The following INTS4 variants were observed in gnomAD, a reference collection of about 807,000 sequenced individuals.
INTS4 encodes integrator complex subunit 4.
A neutral mutation model predicts 119.5 loss-of-function variants in INTS4; 70 were observed. The observed-to-expected ratio is 0.59, with a 90% CI of 0.48 to 0.71. The LOEUF is 0.71. INTS4 is among the 30% of genes least tolerant of loss of function. The pLI, the probability that INTS4 is intolerant of heterozygous loss-of-function variation, is 0.00. For synonymous variants in INTS4, 316 were observed against 419.6 expected (o/e 0.75, Z 3.02); for missense variants, 867 against 1,173.2 (o/e 0.74, Z 3.81).
At chr11:77,936,064 T>C (rs1591077771) in intron 10 of INTS4, among the ~76,000 whole-genome samples, 1 of 151,738 alleles carries the variant, frequency 6.6e-6, no homozygotes, top group Non-Finnish European at 1.5e-5. Flanking sequence ...CTCAAAAATA[T>C]TTAAAGGAAT....
intron 12 of INTS4, chr11:77,922,898 C>A: frequency 8.7e-6 from 2 of 229,112 alleles, no homozygotes; most frequent in South Asian, 5.6e-5. Context: ...CAATGGAGCA[C>A]GAGAGTATGC....
chr11:77,900,384 C>T (rs1952737200), intron 18 of INTS4, among the ~76,000 whole-genome samples: 1 of 152,148 alleles, frequency 6.6e-6, no homozygotes, highest in African/African-American at 2.4e-5. Flanking sequence ...CAGGTGTGAG[C>T]CACCACACCC....
chr11:77,938,804 G>A lies in INTS4; in HGVS notation c.1012C>T (p.Arg338Cys), dbSNP rs747682741. ...DLRRKRTAHE[R>C]AKELYSSGEF... ...CCCGAACTGTAAAGTTCCTTGGCAC[G>A]CTCATGTGCAGTACGTTTCCTCTGC... The change falls in exon 10 of 23, where the codon CGT becomes TGT. Residue 338 changes from arginine (R) to cysteine (C), a missense_variant. Coordinates refer to ENST00000534064, the MANE Select transcript of INTS4 (RefSeq NM_033547.4). 8.1e-6 allele frequency: 13 copies of A among 1,611,714 alleles called. No individual in the cohort carries two copies. The highest frequency in any genetic ancestry group is 1.3e-5 in the African/African-American group (1 of 74,802).
chr11:77,924,500 T>G (rs1390252809), intron 12 of INTS4: 1 of 412,748 alleles, frequency 2.4e-6, no homozygotes, highest in Non-Finnish European at 4.5e-6. Flanking sequence ...GGTTGGTGCA[T>G]AGTCAGCACA....
intron 15 of INTS4, among the ~76,000 whole-genome samples, chr11:77,909,241 A>G (rs552775431): frequency 2.6e-5 from 4 of 152,382 alleles, no homozygotes; most frequent in Admixed American, 2.6e-4. Context: ...CAATGATATA[A>G]ATAAGCCACT....
At chr11:77,905,352 G>A (rs1401694512) in intron 16 of INTS4, among the ~76,000 whole-genome samples, 3 of 151,934 alleles carry the variant, frequency 2.0e-5, no homozygotes, top group Non-Finnish European at 4.4e-5. Flanking sequence ...AGCTACTTGG[G>A]AGACTGAGAC....
intron 8 of INTS4, among the ~76,000 whole-genome samples, chr11:77,943,513 G>A (rs1378998504): frequency 6.6e-6 from 1 of 152,156 alleles, no homozygotes; most frequent in Non-Finnish European, 1.5e-5. Flanking sequence ...GCAGATGATA[G>A]CATCATTTAC....
At chr11:77,973,252 T>A (rs779764651) in intron 4 of INTS4, among the ~76,000 whole-genome samples, 2 of 152,242 alleles carry the variant, frequency 1.3e-5, no homozygotes, top group Non-Finnish European at 2.9e-5. Context: ...GTATGCTGAT[T>A]TTGTATCCTG....
chr11:77,970,275 T>C (rs891553346), intron 4 of INTS4, among the ~76,000 whole-genome samples: 1 of 152,132 alleles, frequency 6.6e-6, no homozygotes, highest in Non-Finnish European at 1.5e-5. Flanking sequence ...GATGGGCACC[T>C]GCAGTCCCAG....
chr11:77,932,110 G>C (rs1052241803), intron 10 of INTS4, among the ~76,000 whole-genome samples: 3 of 152,152 alleles, frequency 2.0e-5, no homozygotes, highest in African/African-American at 7.2e-5. Flanking sequence ...AAACTAAAGA[G>C]CTTCTGCACA....
chr11:77,907,131 T>C (rs1952975066), intron 16 of INTS4, among the ~76,000 whole-genome samples: 1 of 152,178 alleles, frequency 6.6e-6, no homozygotes, highest in South Asian at 2.1e-4. Context: ...TGGTCTGTCA[T>C]CCAGGCTGGA....
intron 2 of INTS4, among the ~76,000 whole-genome samples, chr11:77,990,271 G>A (rs1028071241): frequency 6.6e-6 from 1 of 151,028 alleles, no homozygotes; most frequent in African/African-American, 2.4e-5. Flanking sequence ...CACGTCTGCA[G>A]TCCCACCTAC....
At chr11:77,967,403 C>G (rs1042088046) in intron 4 of INTS4, among the ~76,000 whole-genome samples, 2 of 152,182 alleles carry the variant, frequency 1.3e-5, no homozygotes, top group Non-Finnish European at 2.9e-5. Flanking sequence ...AATTTGCCAG[C>G]ACCTTAATCT....
chr11:77,944,837 C>G (rs1954009215), intron 8 of INTS4, among the ~76,000 whole-genome samples: 1 of 152,046 alleles, frequency 6.6e-6, no homozygotes, highest in Admixed American at 6.6e-5. Context: ...ATAAACTATT[C>G]CAAAATCCAA....
chr11:77,949,243 T>A (rs769201746), intron 8 of INTS4, among the ~76,000 whole-genome samples: 25 of 152,060 alleles, frequency 1.6e-4, no homozygotes, highest in Non-Finnish European at 2.8e-4. Context: ...GACTTAAACA[T>A]AAGACCTAAA....
intron 3 of INTS4, 52 bp from the exon 4 acceptor site, chr11:77,979,154 T>C: frequency 1.0e-6 from 1 of 986,924 alleles, no homozygotes; most frequent in Non-Finnish European, 1.6e-6. Context: ...GGGGTAACTA[T>C]ATAAACTAAT....
At chr11:77,904,805 C>T (rs1046381524) in intron 16 of INTS4, among the ~76,000 whole-genome samples, 1 of 152,066 alleles carries the variant, frequency 6.6e-6, no homozygotes, top group African/African-American at 2.4e-5. Context: ...AAGTGATTAG[C>T]GTGTTTTGGG....
chr11:77,931,853 T>G (rs1018058014), intron 10 of INTS4, among the ~76,000 whole-genome samples: 8 of 152,244 alleles, frequency 5.3e-5, no homozygotes, highest in African/African-American at 1.9e-4. Flanking sequence ...GATTCCCTAT[T>G]TAATAAATGG....
At chr11:77,926,466 C>T (rs1477159819) in intron 11 of INTS4, among the ~76,000 whole-genome samples, 3 of 152,056 alleles carry the variant, frequency 2.0e-5, no homozygotes, top group African/African-American at 7.2e-5. Flanking sequence ...AAACACTTAC[C>T]GAGCACCTAA....
Sources: gnomAD v4.1 joint callset for allele counts (sites outside exome capture counted in the v4.1 genomes callset) on GRCh38, gnomAD v4.1.1 for gene constraint, MANE v1.5 for transcripts, NCBI Gene and HGNC (gene_info 2026-07-23, HGNC 2026-07-21) for gene names.